PDE11A: variants seen among roughly 807,000 people sequenced by gnomAD.
PDE11A encodes dual 3',5'-cyclic-AMP and -GMP phosphodiesterase 11A.
A neutral mutation model predicts 100.5 loss-of-function variants in PDE11A; 100 were observed. The observed-to-expected ratio is 1.00, with a 90% confidence interval of 0.85 to 1.18. The LOEUF (loss-of-function observed/expected upper bound fraction) is 1.18. Ranked by LOEUF, PDE11A falls within the 50% of genes most tolerant of loss-of-function variation. The pLI is 0.00. For missense variants in PDE11A, 1,141 were observed against 1,152.6 expected, an observed-to-expected ratio of 0.99 and a Z score of 0.15; for synonymous variants, 381 against 420.8, an observed-to-expected ratio of 0.91 and a Z score of 1.16.
chr2:177,772,596 T>C (rs1424964337), intron 9 of PDE11A, among the ~76,000 whole-genome samples: 1 of 152,166 alleles, frequency 6.6e-6, no homozygotes, highest in Non-Finnish European at 1.5e-5. Flanking sequence ...AGATTCACTC[T>C]TCAAACTTTA....
intron 1 of PDE11A, among the ~76,000 whole-genome samples, chr2:178,038,730 A>AAATG (rs910444344): frequency 3.3e-5 from 5 of 152,158 alleles, no homozygotes; most frequent in African/African-American, 1.2e-4. Flanking sequence ...GCTGGGAGGT[A>AAATG]AATGAGGACC....
At chr2:177,996,561 G>A (rs530556650) in intron 2 of PDE11A, among the ~76,000 whole-genome samples, 12 of 151,686 alleles carry the variant, frequency 7.9e-5, no homozygotes, top group East Asian at 3.9e-4. Context: ...GTAAGGGTCC[G>A]TATTCAAAAG....
At chr2:177,994,526 C>T (rs1309727070) in intron 2 of PDE11A, among the ~76,000 whole-genome samples, 3 of 152,160 alleles carry the variant, frequency 2.0e-5, no homozygotes, top group African/African-American at 4.8e-5. Context: ...TGAATGGCTG[C>T]GACCCTGTAC....
At chr2:177,906,584 A>G (rs2084793050) in intron 2 of PDE11A, among the ~76,000 whole-genome samples, 3 of 152,220 alleles carry the variant, frequency 2.0e-5, no homozygotes, top group Admixed American at 2.0e-4. Flanking sequence ...TGGGATCCGA[A>G]TTAAGAAGAC....
intron 6 of PDE11A, among the ~76,000 whole-genome samples, chr2:177,830,546 AG>A (rs1344657425): frequency 6.6e-6 from 1 of 151,486 alleles, no homozygotes; most frequent in African/African-American, 2.4e-5. Context: ...GGTTGCAGTG[AG>A]CCGAGAATGA....
intron 2 of PDE11A, among the ~76,000 whole-genome samples, chr2:177,906,897 G>GT (rs1559000856): frequency 6.6e-6 from 1 of 152,150 alleles, no homozygotes; most frequent in African/African-American, 2.4e-5. Context: ...TTGGCTCATT[G>GT]TTTTTTTCTG....
intron 15 of PDE11A, chr2:177,683,393 T>C (rs1574040660): frequency 6.6e-6 from 1 of 152,262 alleles, no homozygotes; most frequent in South Asian, 2.1e-4. Context: ...TTCATATAAC[T>C]TTCTTATCTT....
At chr2:178,029,744 T>C (rs957636174) in intron 1 of PDE11A, among the ~76,000 whole-genome samples, 1 of 152,218 alleles carries the variant, frequency 6.6e-6, no homozygotes. Context: ...TAAATGTTTT[T>C]CCCCCTCAAA....
chr2:177,673,856 C>T (rs1405714), intron 17 of PDE11A, among the ~76,000 whole-genome samples: 92,305 of 151,928 alleles, frequency 0.61, 31,819 homozygotes, highest in Admixed American at 0.74. Flanking sequence ...TGAATTGTTG[C>T]GGGAAGCATT....
At chr2:177,927,631 G>C (rs114790722) in intron 2 of PDE11A, among the ~76,000 whole-genome samples, 1,825 of 152,232 alleles carry the variant, frequency 0.012, 35 homozygotes, top group African/African-American at 0.04. Flanking sequence ...CAAATCATTG[G>C]TAAAATGGGA....
chr2:177,868,245 T>G (rs1033197099), intron 5 of PDE11A, among the ~76,000 whole-genome samples: 2 of 152,132 alleles, frequency 1.3e-5, no homozygotes, highest in African/African-American at 4.8e-5. Flanking sequence ...TGTCTCATCT[T>G]AAAATTTAAA....
chr2:177,844,691 C>T (rs1028811262), intron 5 of PDE11A, among the ~76,000 whole-genome samples: 129 of 151,402 alleles, frequency 8.5e-4, no homozygotes, highest in Admixed American at 4.5e-3. Context: ...TGCGGCCTTC[C>T]GCAGTATTTG....
rs2079872150 is a variant in PDE11A, at chr2:177,628,762, A to G, written c.*645T>C. 2 of 152,632 alleles carry G rather than the reference A, an allele frequency of 1.3e-5. No homozygotes were observed. Among genetic ancestry groups the G allele is most frequent in the South Asian group, 4.1e-4 (2 of 4,844 alleles). The allele number at this position is 152,632 out of a possible 1,614,324, so 9.5% of individuals were successfully genotyped here. Reference sequence around the variant, plus strand: ...GAAAAGGGTACCATAGTCCCAGTCTAGAATTACCCATCAAACACATTTGCT... The same window carrying G: ...GAAAAGGGTACCATAGTCCCAGTCTGGAATTACCCATCAAACACATTTGCT... On this transcript the variant is annotated 3_prime_UTR_variant, in exon 20 of 20. Coordinates refer to ENST00000286063, the MANE Select transcript of PDE11A (RefSeq NM_016953.4).
intron 2 of PDE11A, among the ~76,000 whole-genome samples, chr2:177,915,695 T>G (rs1034147578): frequency 1.3e-5 from 2 of 152,220 alleles, no homozygotes; most frequent in African/African-American, 4.8e-5. Flanking sequence ...ATTTTTTGAC[T>G]CATTTGGATA....
chr2:177,662,212 A>C (rs2080494593), intron 19 of PDE11A, among the ~76,000 whole-genome samples: 1 of 152,228 alleles, frequency 6.6e-6, no homozygotes, highest in South Asian at 2.1e-4. Context: ...ACAAATTAAC[A>C]TGGAAAACCA....
chr2:177,773,910 G>A (rs1301870907), intron 9 of PDE11A, among the ~76,000 whole-genome samples: 1 of 152,228 alleles, frequency 6.6e-6, no homozygotes, highest in African/African-American at 2.4e-5. Flanking sequence ...AGCCAGAGGA[G>A]TGGATTCCTT....
intron 1 of PDE11A, among the ~76,000 whole-genome samples, chr2:178,070,182 C>T (rs2087107567): frequency 6.6e-6 from 1 of 152,164 alleles, no homozygotes; most frequent in Non-Finnish European, 1.5e-5. Context: ...GTTGCTTCAC[C>T]TACACCTTTT....
intron 19 of PDE11A, among the ~76,000 whole-genome samples, chr2:177,638,419 T>C (rs2080086395): frequency 1.3e-5 from 2 of 152,226 alleles, no homozygotes; most frequent in South Asian, 2.1e-4. Flanking sequence ...CTCTGAAATA[T>C]CTAAGTATAA....
intron 5 of PDE11A, among the ~76,000 whole-genome samples, chr2:177,875,203 G>A (rs1211547493): frequency 6.6e-6 from 1 of 151,866 alleles, no homozygotes. Flanking sequence ...TAGCCTGGGT[G>A]ACAGAGCGAG....
Sources: allele counts gnomAD v4.1 joint callset (sites outside exome capture counted in the v4.1 genomes callset), GRCh38; gene constraint gnomAD v4.1.1; transcripts MANE v1.5; gene names NCBI Gene and HGNC (gene_info 2026-07-23, HGNC 2026-07-21).